Variants in ALG9 observed in about 807,000 individuals in gnomAD.
ALG9 encodes alpha-1,2-mannosyltransferase ALG9.
ALG9 carries 55 observed loss-of-function variants against 81.8 expected under a neutral mutation model. The ratio of observed to expected loss-of-function variants is 0.67; its 90% CI spans 0.54 to 0.84. The LOEUF (loss-of-function observed/expected upper bound fraction) is 0.84, where lower values mean the gene tolerates loss of function less well. ALG9 is among the 40% of genes least tolerant of loss of function. The pLI is 0.00. For synonymous variants in ALG9, 278 were observed against 274.3 expected (o/e 1.01, Z -0.13); for missense variants, 629 against 745.0 (o/e 0.84, Z 1.81).
At chr11:111,828,347 C>T (rs1555110628) in intron 13 of ALG9, among the ~76,000 whole-genome samples, 1 of 152,176 alleles carries the variant, frequency 6.6e-6, no homozygotes, top group Non-Finnish European at 1.5e-5. Flanking sequence ...CCCCAACAAC[C>T]AGAAAATTAA....
At chr11:111,864,261 G>A (rs1961482701) in intron 4 of ALG9, 2 of 1,117,688 alleles carry the variant, frequency 1.8e-6, no homozygotes, top group Admixed American at 1.8e-5. Flanking sequence ...ACCATGTCTG[G>A]CTCCTCCAGC....
intron 13 of ALG9, chr11:111,817,271 G>A (rs1399941348): frequency 4.6e-5 from 7 of 152,268 alleles, no homozygotes; most frequent in Admixed American, 4.6e-4. Flanking sequence ...ATGCTGCGGA[G>A]GATGAGGCAA....
At position 111,856,843 on chromosome 11, in the gene ALG9, A is replaced by C. The variant is rs183285784; in HGVS notation, c.701+759T>G. Among the ~76,000 whole-genome samples the C allele has an allele frequency of 4.9e-3, 748 of 152,304 alleles. 14 individuals carry two copies. The highest frequency in any genetic ancestry group is 5.2e-3 in the East Asian group (27 of 5,190). The stretch of plus-strand genomic sequence containing the variant: ...AAGACTGGGCCAGGCGCAGTGGCTC[A>C]TGCCTGTAATCCCAGCACTTTGTGA... On this transcript the variant is annotated intron_variant, in intron 6 of 14. Transcript: ENST00000616540.
intron 14 of ALG9, among the ~76,000 whole-genome samples, chr11:111,798,912 G>A (rs953350130): frequency 9.2e-5 from 14 of 152,178 alleles, no homozygotes; most frequent in African/African-American, 3.1e-4. Flanking sequence ...AGAAGTGAAC[G>A]AACATCTGGG....
intron 3 of ALG9, among the ~76,000 whole-genome samples, chr11:111,867,334 C>G (rs1484973180): frequency 6.6e-6 from 1 of 152,148 alleles, no homozygotes; most frequent in African/African-American, 2.4e-5. Context: ...GTAGAAATCT[C>G]AAACTGAATG....
At chr11:111,853,940 G>C (rs1366901962) in intron 6 of ALG9, among the ~76,000 whole-genome samples, 1 of 152,096 alleles carries the variant, frequency 6.6e-6, no homozygotes, top group Non-Finnish European at 1.5e-5. Flanking sequence ...GAATTACTGA[G>C]CTGCTGGAAT....
At chr11:111,821,968 T>G (rs1419395392) in intron 13 of ALG9, among the ~76,000 whole-genome samples, 1 of 152,146 alleles carries the variant, frequency 6.6e-6, no homozygotes, top group African/African-American at 2.4e-5. Flanking sequence ...ACTTTGACAT[T>G]CAGAGCACTG....
chr11:111,860,578 A>T lies in ALG9; in HGVS notation c.534T>A (p.Val178=). ...ATGAGCAAAACATGCCAGTGCTGAG[A>T]ACCAAGAAGGCTAGCATCATTCGAC... is the stretch of plus-strand genomic sequence containing the variant. ...HVSRMMLAFL[V]LSTGMFCSSS... Residue 178 remains valine, a synonymous_variant, in exon 5 of 15, where the codon GTT becomes GTA. Coordinates refer to ENST00000616540, the MANE Select transcript of ALG9 (RefSeq NM_024740.2). The T allele has an allele frequency of 6.2e-7, 1 of 1,614,150 alleles. No homozygotes were observed. The highest frequency in any genetic ancestry group is 1.1e-5 in the South Asian group (1 of 91,076).
At chr11:111,834,333 A>T (rs1477052759) in intron 13 of ALG9, among the ~76,000 whole-genome samples, 6 of 152,182 alleles carry the variant, frequency 3.9e-5, no homozygotes, top group Non-Finnish European at 7.4e-5. Flanking sequence ...CGCAATGATG[A>T]GTCTGGAGAC....
chr11:111,853,502 A>G lies in ALG9; in HGVS notation c.790-17T>C. Reference sequence around the variant, plus strand: ...CACAGGCACCTAAAACAGAGCAGAAAATAGTTTTGATCTAGAAACATTCTC... The same window carrying G: ...CACAGGCACCTAAAACAGAGCAGAAGATAGTTTTGATCTAGAAACATTCTC... On this transcript the variant is annotated splice_polypyrimidine_tract_variant and intron_variant, in intron 7 of 14. Coordinates refer to ENST00000616540, the MANE Select transcript of ALG9 (RefSeq NM_024740.2). The G allele has an allele frequency of 6.2e-7, 1 of 1,605,634 alleles. No homozygotes were observed. The highest frequency in any genetic ancestry group is 2.2e-5 in the East Asian group (1 of 44,822).
At chr11:111,777,538 G>C (rs914762232), downstream of ALG9, among the ~76,000 whole-genome samples, 1 of 152,172 alleles carries the variant, frequency 6.6e-6, no homozygotes, top group Non-Finnish European at 1.5e-5. Context: ...GTCAGAGACA[G>C]TGATACTTGG....
rs782759388 is a variant in ALG9 at position 111,857,645 on chromosome 11, C to A, written c.658G>T (p.Ala220Ser). ...GGCCAGCCTAAGATAGCCCCAGCTG[C>A]TACTCCCAGCACAGCAATGGAAGTC... ...DKTSIAVLGV[A>S]AGAILGWPFS... is the part of the protein sequence containing the mutation. The change falls in exon 6 of 15, where the codon GCA becomes TCA. Residue 220 changes from alanine (A) to serine (S), a missense_variant. This residue lies in a region of ALG9 where 344 missense variants were observed against 390.5 expected (regional missense o/e 0.88). Coordinates refer to ENST00000616540, the MANE Select transcript of ALG9 (RefSeq NM_024740.2). 6.2e-7 allele frequency: 1 copy of A among 1,614,182 alleles called. No individual in the cohort carries two copies. Among genetic ancestry groups the A allele is most frequent in the Non-Finnish European group, 8.5e-7 (1 of 1,180,038 alleles).
intron 6 of ALG9, among the ~76,000 whole-genome samples, chr11:111,853,978 T>C (rs1276768992): frequency 6.6e-6 from 1 of 152,074 alleles, no homozygotes; most frequent in Non-Finnish European, 1.5e-5. Context: ...CATTTATGGG[T>C]AACAGAAATT....
chr11:111,843,091 A>G (rs1956470658), intron 9 of ALG9, among the ~76,000 whole-genome samples: 1 of 152,174 alleles, frequency 6.6e-6, no homozygotes, highest in Non-Finnish European at 1.5e-5. Flanking sequence ...AGCTATCATA[A>G]ATTATTTTTA....
the ALG9 span, among the ~76,000 whole-genome samples, chr11:111,768,028 GT>G: frequency 1.3e-5 from 2 of 152,200 alleles, no homozygotes; most frequent in Non-Finnish European, 2.9e-5. Context: ...TTACATGTGT[GT>G]TTTAGTGCTG....
rs1555089360 is a variant in ALG9 at position 111,809,744 on chromosome 11, C to T, written c.1632G>A (p.Val544=). The T allele has an allele frequency of 6.2e-7, 1 of 1,613,988 alleles. No individual in the cohort carries two copies. The highest frequency in any genetic ancestry group is 1.7e-5 in the Admixed American group (1 of 59,996). The change falls in exon 14 of 15, where the codon GTG becomes GTA. Residue 544 remains valine, a synonymous_variant. Coordinates refer to ENST00000616540, the MANE Select transcript of ALG9 (RefSeq NM_024740.2). ...YIDISKCHYL[V]DLDTMRETPR... is the part of the protein sequence containing the mutation. Reference sequence around the variant, plus strand: ...GTGTTTCTCTCATGGTGTCCAAATCCACTAAATAATGGCATTTACTGATAT... The same window carrying T: ...GTGTTTCTCTCATGGTGTCCAAATCTACTAAATAATGGCATTTACTGATAT...
chr11:111,864,197 G>C (rs1206043836), intron 4 of ALG9: 40 of 636,040 alleles, frequency 6.3e-5, no homozygotes, highest in Non-Finnish European at 1.0e-4. Context: ...TTTTCAGTCA[G>C]GCCCCGCTGA....
At chr11:111,859,322 T>TCA (rs1959199793) in intron 5 of ALG9, among the ~76,000 whole-genome samples, 1 of 151,856 alleles carries the variant, frequency 6.6e-6, no homozygotes, top group Admixed American at 6.6e-5. Context: ...ACCAACATGG[T>TCA]GAAACCCCAT....
chr11:111,864,222 A>G (rs1961453724), intron 4 of ALG9: 1 of 736,076 alleles, frequency 1.4e-6, no homozygotes, highest in Non-Finnish European at 2.5e-6. Flanking sequence ...CGACCCACCA[A>G]CCCACGAACT....
Sources: allele counts gnomAD v4.1 joint callset (sites outside exome capture counted in the v4.1 genomes callset), GRCh38; gene constraint gnomAD v4.1.1; regional missense constraint gnomAD v4.1.1; transcripts MANE v1.5; gene names NCBI Gene and HGNC (gene_info 2026-07-23, HGNC 2026-07-21).